Variants in SHISA9 observed in about 807,000 individuals in gnomAD.
The protein encoded by SHISA9 is shisa family member 9, also known as protein shisa-9.
In SHISA9, 13 loss-of-function variants were observed where a neutral mutation model predicts 38.0. The ratio of observed to expected loss-of-function variants is 0.34; its 90% CI spans 0.22 to 0.54. The LOEUF (loss-of-function observed/expected upper bound fraction) is 0.54, where lower values mean the gene tolerates loss of function less well. Among genes scored for constraint, SHISA9 ranks in the 20% least tolerant of loss-of-function variants. SHISA9 has a pLI of 0.91. For synonymous variants in SHISA9, 275 were observed against 242.0 expected (o/e 1.14, Z -1.27); for missense variants, 538 against 575.8 (o/e 0.93, Z 0.67).
At chr16:13,383,779 A>T in the SHISA9 span, among the ~76,000 whole-genome samples, 1 of 152,120 alleles carries the variant, frequency 6.6e-6, no homozygotes, top group African/African-American at 2.4e-5. Context: ...GGCTCCGAGT[A>T]GCTGGGACCA....
At chr16:13,491,818 C>CTTTTTTTTTTTTTTTTTTTT in the SHISA9 span, among the ~76,000 whole-genome samples, 2 of 44,506 alleles carry the variant, frequency 4.5e-5, no homozygotes, top group Non-Finnish European at 8.3e-5. Context: ...ATTTATTGAC[C>CTTTTTTTTTTTTTTTTTTTT]TTTTTTTTTT....
At chr16:12,986,410 GA>G (rs34844262) in intron 2 of SHISA9, among the ~76,000 whole-genome samples, 15,699 of 152,172 alleles carry the variant, frequency 0.1, 1,188 homozygotes, top group African/African-American at 0.21. Flanking sequence ...GAAAATGAAT[GA>G]ATTACTCTTT....
chr16:13,193,636 G>A (rs1223305260), intron 2 of SHISA9, among the ~76,000 whole-genome samples: 2 of 152,196 alleles, frequency 1.3e-5, no homozygotes, highest in Non-Finnish European at 2.9e-5. Flanking sequence ...ATGAGCCACC[G>A]CGCCTGGCCA....
At chr16:13,097,422 A>ATTT (rs11318129) in intron 2 of SHISA9, among the ~76,000 whole-genome samples, 8 of 145,426 alleles carry the variant, frequency 5.5e-5, no homozygotes, top group African/African-American at 1.8e-4. Flanking sequence ...TCTGATCAGT[A>ATTT]TTTTTTTTTT....
At chr16:13,437,095 T>C in the SHISA9 span, among the ~76,000 whole-genome samples, 2 of 152,096 alleles carry the variant, frequency 1.3e-5, no homozygotes. Flanking sequence ...CATGGCACAT[T>C]ACGGGAGCTG....
chr16:13,015,853 CCTTTCTTTCTTT>C (rs201249295), intron 2 of SHISA9, among the ~76,000 whole-genome samples: 5,650 of 98,484 alleles, frequency 0.057, 321 homozygotes, highest in African/African-American at 0.16. Flanking sequence ...TCTTTCTTTC[CCTTTCTTTCTTT>C]CTTTCTTTCT....
intron 2 of SHISA9, among the ~76,000 whole-genome samples, chr16:13,125,603 C>T (rs976229416): frequency 6.6e-6 from 1 of 152,194 alleles, no homozygotes; most frequent in African/African-American, 2.4e-5. Flanking sequence ...ATTTGATCAA[C>T]AATCATGCAA....
chr16:13,075,736 G>A (rs1415593239), intron 2 of SHISA9, among the ~76,000 whole-genome samples: 1 of 152,202 alleles, frequency 6.6e-6, no homozygotes, highest in African/African-American at 2.4e-5. Flanking sequence ...ACATTTTAGA[G>A]AAGATGAAGT....
At chr16:13,536,997 T>C in the SHISA9 span, among the ~76,000 whole-genome samples, 1 of 152,214 alleles carries the variant, frequency 6.6e-6, no homozygotes, top group Admixed American at 6.5e-5. Context: ...TGTCTGGTTC[T>C]TGAGTCAAGC....
chr16:13,019,934 T>TTTC (rs2072823990), intron 2 of SHISA9, among the ~76,000 whole-genome samples: 1 of 102,006 alleles, frequency 9.8e-6, no homozygotes, highest in Non-Finnish European at 2.1e-5. Flanking sequence ...TTTCTTTCTT[T>TTTC]CTTTCTTTCT....
In SHISA9 at chr16:13,235,551, G is replaced by A. The variant is rs2051375126; in HGVS notation, c.*142G>A. The A allele has an allele frequency of 9.1e-7, 1 of 1,098,734 alleles. No individual in the cohort carries two copies. Among genetic ancestry groups the A allele is most frequent in the African/African-American group, 1.6e-5 (1 of 63,370 alleles). The allele number at this position is 1,098,734 out of a possible 1,614,324, so 68.1% of individuals were successfully genotyped here. A position where few individuals can be genotyped will look rare whatever the true frequency, so the allele number is the denominator to read the frequency against. Reference sequence around the variant, plus strand: ...CAAGAACCAACTCTAAACCTACTGGGGACACAGAGTCGCGCTTTTCCTAGG... The same window carrying A: ...CAAGAACCAACTCTAAACCTACTGGAGACACAGAGTCGCGCTTTTCCTAGG... On this transcript the variant is annotated 3_prime_UTR_variant, in exon 5 of 5. Transcript: ENST00000558583.
At chr16:12,942,720 G>T (rs534393705) in intron 2 of SHISA9, among the ~76,000 whole-genome samples, 1 of 152,172 alleles carries the variant, frequency 6.6e-6, no homozygotes, top group African/African-American at 2.4e-5. Flanking sequence ...ACCCAGAAGC[G>T]CACAGCCACA....
intron 1 of SHISA9, among the ~76,000 whole-genome samples, chr16:12,912,902 A>G (rs893961621): frequency 6.6e-6 from 1 of 152,050 alleles, no homozygotes; most frequent in Non-Finnish European, 1.5e-5. Context: ...TTTCTGTCTC[A>G]GGGCCTTTGC....
At chr16:13,041,111 T>C (rs531371261) in intron 2 of SHISA9, among the ~76,000 whole-genome samples, 1 of 152,324 alleles carries the variant, frequency 6.6e-6, no homozygotes, top group Non-Finnish European at 1.5e-5. Flanking sequence ...CTGAACAAAA[T>C]GCATGAACCT....
intron 2 of SHISA9, among the ~76,000 whole-genome samples, chr16:13,016,864 A>T (rs967437716): frequency 3.3e-5 from 5 of 152,202 alleles, no homozygotes; most frequent in Admixed American, 2.0e-4. Flanking sequence ...TATAGTCCCC[A>T]AGGAGGGCAA....
the SHISA9 span, among the ~76,000 whole-genome samples, chr16:13,293,326 T>C: frequency 6.6e-6 from 1 of 152,196 alleles, no homozygotes; most frequent in African/African-American, 2.4e-5. Flanking sequence ...TTGAACTCCA[T>C]GTTCTTTGCT....
At chr16:13,519,841 C>T in the SHISA9 span, among the ~76,000 whole-genome samples, 3 of 152,134 alleles carry the variant, frequency 2.0e-5, no homozygotes, top group South Asian at 2.1e-4. Flanking sequence ...AAGGTAACTA[C>T]CCCCATGATT....
chr16:13,521,609 G>C, the SHISA9 span, among the ~76,000 whole-genome samples: 2 of 152,144 alleles, frequency 1.3e-5, no homozygotes, highest in Admixed American at 6.5e-5. Context: ...ATTAGTCAAG[G>C]GTTTGGCATT....
the SHISA9 span, among the ~76,000 whole-genome samples, chr16:13,371,825 C>G: frequency 6.6e-6 from 1 of 152,220 alleles, no homozygotes; most frequent in Non-Finnish European, 1.5e-5. Flanking sequence ...AACTGTGACT[C>G]AATCCTCAGT....
Sources: gnomAD v4.1 joint callset for allele counts (sites outside exome capture counted in the v4.1 genomes callset) on GRCh38, gnomAD v4.1.1 for gene constraint, MANE v1.5 for transcripts, NCBI Gene and HGNC (gene_info 2026-07-23, HGNC 2026-07-21) for gene names.